GPC5: variants seen among roughly 807,000 people sequenced by gnomAD.
The protein encoded by GPC5 is glypican-5.
In GPC5, 47 loss-of-function variants were observed where a neutral mutation model predicts 53.9. The ratio of observed to expected loss-of-function variants is 0.87; its 90% CI spans 0.69 to 1.11. The LOEUF (loss-of-function observed/expected upper bound fraction) is 1.11. Among genes scored for constraint, GPC5 ranks in the 50% most tolerant of loss-of-function variants. The probability of loss-of-function intolerance (pLI) is 0.00; values close to 1 mark genes in which losing one functional copy is unlikely to be tolerated. For synonymous variants in GPC5, 286 were observed against 263.3 expected (o/e 1.09, Z -0.84); for missense variants, 748 against 713.1 (o/e 1.05, Z -0.56).
chr13:92,850,267 C>A (rs1174469472), intron 7 of GPC5, among the ~76,000 whole-genome samples: 1 of 152,120 alleles, frequency 6.6e-6, no homozygotes, highest in African/African-American at 2.4e-5. Flanking sequence ...TTGAGGAAAG[C>A]AGAGAACCAA....
chr13:92,243,949 A>G (rs1231272228), intron 7 of GPC5, among the ~76,000 whole-genome samples: 1 of 152,134 alleles, frequency 6.6e-6, no homozygotes, highest in African/African-American at 2.4e-5. Flanking sequence ...GAGAAAGAAG[A>G]AAGATCATGG....
At chr13:91,578,430 C>T (rs1312783229) in intron 2 of GPC5, among the ~76,000 whole-genome samples, 2 of 152,032 alleles carry the variant, frequency 1.3e-5, no homozygotes, top group Non-Finnish European at 2.9e-5. Flanking sequence ...AATTTACTAC[C>T]CCCTTTGTCA....
chr13:92,239,050 TATAA>T (rs2042590497), intron 7 of GPC5, among the ~76,000 whole-genome samples: 1 of 151,968 alleles, frequency 6.6e-6, no homozygotes, highest in African/African-American at 2.4e-5. Flanking sequence ...AGTAATTGAC[TATAA>T]ATGTGAAGTT....
At chr13:92,215,007 A>T (rs927837042) in intron 7 of GPC5, among the ~76,000 whole-genome samples, 1 of 152,202 alleles carries the variant, frequency 6.6e-6, no homozygotes, top group Non-Finnish European at 1.5e-5. Context: ...CTACATCTTC[A>T]TCTCCACACC....
intron 5 of GPC5, among the ~76,000 whole-genome samples, chr13:91,758,768 CCTGT>C (rs1441874341): frequency 6.6e-6 from 1 of 152,136 alleles, no homozygotes. Context: ...ACCACAGACT[CCTGT>C]CTATTAGCTA....
At chr13:91,714,859 G>A (rs368775207) in intron 3 of GPC5, among the ~76,000 whole-genome samples, 4 of 152,278 alleles carry the variant, frequency 2.6e-5, no homozygotes, top group African/African-American at 9.6e-5. Flanking sequence ...GTCAACCCAC[G>A]GTAGAAGAAA....
chr13:91,786,949 T>C (rs1171600732), intron 5 of GPC5, among the ~76,000 whole-genome samples: 1 of 151,636 alleles, frequency 6.6e-6, no homozygotes, highest in Non-Finnish European at 1.5e-5. Flanking sequence ...GTTTCTCTTT[T>C]TTTTTTTTTT....
intron 5 of GPC5, among the ~76,000 whole-genome samples, chr13:91,816,207 A>G (rs1042022459): frequency 6.6e-6 from 1 of 152,162 alleles, no homozygotes; most frequent in Non-Finnish European, 1.5e-5. Context: ...CCCTTCTGCT[A>G]CTGTAAGCTC....
chr13:92,188,216 A>G (rs1304266359), intron 7 of GPC5, among the ~76,000 whole-genome samples: 1 of 152,246 alleles, frequency 6.6e-6, no homozygotes, highest in Non-Finnish European at 1.5e-5. Context: ...GACAGTTGAG[A>G]TAGCCTTCCA....
At chr13:92,669,865 A>G in intron 7 of GPC5, among the ~76,000 whole-genome samples, 1 of 152,164 alleles carries the variant, frequency 6.6e-6, no homozygotes, top group Non-Finnish European at 1.5e-5. Context: ...GTCAATAGCC[A>G]TAGGCTTTAG....
intron 2 of GPC5, among the ~76,000 whole-genome samples, chr13:91,513,693 A>T (rs1017874663): frequency 1.3e-5 from 2 of 152,168 alleles, no homozygotes; most frequent in African/African-American, 4.8e-5. Context: ...GTGAGCTAAG[A>T]TCACATTGCT....
chr13:91,713,397 C>A (rs2036270636), intron 3 of GPC5, among the ~76,000 whole-genome samples: 4 of 150,608 alleles, frequency 2.7e-5, no homozygotes, highest in African/African-American at 9.8e-5. Flanking sequence ...ACTGTATCTT[C>A]TCTTCATCAT....
chr13:92,136,009 A>G (rs1372874796), intron 6 of GPC5, among the ~76,000 whole-genome samples: 3 of 152,222 alleles, frequency 2.0e-5, no homozygotes, highest in Non-Finnish European at 4.4e-5. Context: ...TAAGATTTGT[A>G]AAATATGTTT....
intron 7 of GPC5, among the ~76,000 whole-genome samples, chr13:92,197,210 G>GA (rs1024445087): frequency 3.4e-4 from 51 of 149,548 alleles, no homozygotes; most frequent in Middle Eastern, 3.4e-3. Flanking sequence ...CCAAGGATGT[G>GA]AAAAAAAAAT....
chr13:92,374,887 A>T (rs536541943), intron 7 of GPC5, among the ~76,000 whole-genome samples: 2 of 152,084 alleles, frequency 1.3e-5, no homozygotes, highest in Admixed American at 6.5e-5. Context: ...AAATAAAAAA[A>T]AAAGTAAAAT....
chr13:92,354,667 T>C (rs1345593993), intron 7 of GPC5, among the ~76,000 whole-genome samples: 1 of 152,118 alleles, frequency 6.6e-6, no homozygotes, highest in Non-Finnish European at 1.5e-5. Context: ...ACTGAATGAA[T>C]TGGGAAGCTA....
At chr13:91,499,201 T>C (rs1413774842) in intron 2 of GPC5, among the ~76,000 whole-genome samples, 1 of 152,096 alleles carries the variant, frequency 6.6e-6, no homozygotes, top group Non-Finnish European at 1.5e-5. Flanking sequence ...AGGATGCTGT[T>C]ATTATCTCCA....
intron 4 of GPC5, among the ~76,000 whole-genome samples, chr13:91,754,578 G>T (rs763844290): frequency 5.3e-5 from 8 of 152,022 alleles, no homozygotes; most frequent in Non-Finnish European, 1.2e-4. Context: ...ATTCCTAGAA[G>T]ACTCTGATTC....
intron 6 of GPC5, among the ~76,000 whole-genome samples, chr13:91,920,757 T>C (rs958175387): frequency 6.6e-6 from 1 of 152,068 alleles, no homozygotes; most frequent in African/African-American, 2.4e-5. Flanking sequence ...TAGAAGACAA[T>C]GCATAAAAAA....
Sources: allele counts gnomAD v4.1 joint callset (sites outside exome capture counted in the v4.1 genomes callset), GRCh38; gene constraint gnomAD v4.1.1; transcripts MANE v1.5; gene names NCBI Gene and HGNC (gene_info 2026-07-23, HGNC 2026-07-21).